Variants in TF observed in about 807,000 individuals in gnomAD.
The protein encoded by TF is transferrin, also known as serotransferrin.
In TF, 55 loss-of-function variants were observed where a neutral mutation model predicts 82.4. That is an observed-to-expected ratio of 0.67 (90% CI 0.54 to 0.84). TF has a LOEUF of 0.84. TF is among the 40% of genes least tolerant of loss of function. The probability of loss-of-function intolerance (pLI) is 0.00; values close to 1 mark genes in which losing one functional copy is unlikely to be tolerated. For missense variants in TF, 737 were observed against 868.4 expected, an observed-to-expected ratio of 0.85 and a Z score of 1.90; for synonymous variants, 332 against 332.6, an observed-to-expected ratio of 1.00 and a Z score of 0.02.
chr3:133,792,099 C>T lies in TF; in HGVS notation c.*13479C>T, dbSNP rs1370133108. Reference sequence around the variant, plus strand: ...TTAAGGTCATAAACCGCTTCTTTGACTTTTAAAAATTGCTCAATTTATTTT... The same window carrying T: ...TTAAGGTCATAAACCGCTTCTTTGATTTTTAAAAATTGCTCAATTTATTTT... On this transcript the variant is annotated 3_prime_UTR_variant, in exon 17 of 17. Transcript: ENST00000402696. The T allele has an allele frequency of 6.6e-6, 1 of 152,140 alleles. No homozygotes were observed. Among genetic ancestry groups the T allele is most frequent in the Admixed American group, 6.5e-5 (1 of 15,280 alleles). The allele number at this position is 152,140 out of a possible 1,614,324, so 9.4% of individuals were successfully genotyped here. A position where few individuals can be genotyped will look rare whatever the true frequency, so the allele number is the denominator to read the frequency against.
At chr3:133,663,058 C>T in the TF span, among the ~76,000 whole-genome samples, 1 of 152,246 alleles carries the variant, frequency 6.6e-6, no homozygotes, top group South Asian at 2.1e-4. Context: ...GAACCCTCTA[C>T]CCTCAATATC....
the TF span, among the ~76,000 whole-genome samples, chr3:133,716,501 T>A: frequency 3.1e-4 from 47 of 152,262 alleles, no homozygotes; most frequent in African/African-American, 1.1e-3. Flanking sequence ...CATCACCAAA[T>A]TATATTGGTT....
In TF at chr3:133,764,899, C is replaced by G. The variant is rs559219054; in HGVS notation, c.1322C>G (p.Pro441Arg). Residue 441 changes from proline (P) to arginine (R), a missense_variant, in exon 11 of 17, where the codon CCA becomes CGA. Transcript: ENST00000402696. ...GAGAGCGATAATTGTGAGGATACAC[C>G]AGAGGCAGGTGAGTTTGAATTGGTA... ...YNKSDNCEDT[P>R]EAGYFAIAVV... 6.2e-7 allele frequency: 1 copy of G among 1,613,894 alleles called. No individual in the cohort carries two copies. Among genetic ancestry groups the G allele is most frequent in the African/African-American group, 1.3e-5 (1 of 74,996 alleles).
chr3:133,726,370 C>T, the TF span, among the ~76,000 whole-genome samples: 1 of 152,126 alleles, frequency 6.6e-6, no homozygotes, highest in African/African-American at 2.4e-5. Flanking sequence ...TCAACTTCTT[C>T]CTGGTTTAGT....
chr3:133,777,261 G>A, intron 16 of TF, 23 bp downstream of exon 16: 2 of 1,607,316 alleles, frequency 1.2e-6, no homozygotes, highest in Non-Finnish European at 1.7e-6. Flanking sequence ...AACAGCATGG[G>A]GAAGTGGCAA....
chr3:133,764,762 T>A, intron 10 of TF, 113 bp from the exon 11 acceptor site: 1 of 1,009,128 alleles, frequency 9.9e-7, no homozygotes, highest in South Asian at 1.4e-5. Context: ...ATGACATGTA[T>A]AGATAATTTT....
intron 15 of TF, 104 bp downstream of exon 15, chr3:133,775,721 T>C (rs2107934453): frequency 1.7e-6 from 2 of 1,210,294 alleles, no homozygotes; most frequent in East Asian, 2.3e-5. Context: ...ACTTTCTTTT[T>C]GAAAACTAGA....
chr3:133,764,186 G>T lies in TF; in HGVS notation c.1208G>T (p.Gly403Val). 1 of 1,613,798 alleles carries T rather than the reference G, an allele frequency of 6.2e-7. No homozygotes were observed. Among genetic ancestry groups the T allele is most frequent in the Non-Finnish European group, 8.5e-7 (1 of 1,179,748 alleles). ...TEDCIAKIMN[G>V]EADAMSLDGG... ...TGATTTGCTGTGTCTTTGCAGAATG[G>T]AGAAGCTGATGCCATGAGCTTGGAT... The change falls in exon 10 of 17, where the codon GGA (glycine) becomes GTA (valine). Residue 403 changes from glycine to valine, a missense_variant. Gly to Val is a moderately radical substitution (Grantham distance 109). Transcript: ENST00000402696.
the TF span, among the ~76,000 whole-genome samples, chr3:133,683,793 C>A: frequency 6.6e-6 from 1 of 152,118 alleles, no homozygotes; most frequent in Non-Finnish European, 1.5e-5. Flanking sequence ...GACAGATCAA[C>A]GAGACAGAAA....
In TF at chr3:133,779,316, G is replaced by C. The variant is rs1315656460; in HGVS notation, c.*696G>C. ...CTGTAAGGTGGAGGCTGACTTTTCT[G>C]TCTCACTTATTATTGGCTGAACATA... On this transcript the variant is annotated 3_prime_UTR_variant, in exon 17 of 17. Transcript: ENST00000402696. 1 of 152,332 alleles carries C rather than the reference G, an allele frequency of 6.6e-6. No individual in the cohort carries two copies. The highest frequency in any genetic ancestry group is 1.5e-5 in the Non-Finnish European group (1 of 68,192). 9.4% of individuals were successfully genotyped at this position (152,332 alleles called of 1,614,324 possible).
intron 10 of TF, 24 bp downstream of exon 10, chr3:133,764,299 T>C: frequency 1.3e-6 from 2 of 1,576,768 alleles, no homozygotes; most frequent in Non-Finnish European, 1.7e-6. Context: ...AGCACCTCTC[T>C]GTGTTTTCTT....
chr3:133,666,831 T>C, the TF span, among the ~76,000 whole-genome samples: 1 of 151,282 alleles, frequency 6.6e-6, no homozygotes, highest in East Asian at 2.0e-4. Context: ...GGTCAGAAGA[T>C]CGAGACCATC....
chr3:133,706,698 C>T, the TF span, among the ~76,000 whole-genome samples: 1 of 152,160 alleles, frequency 6.6e-6, no homozygotes, highest in Non-Finnish European at 1.5e-5. Flanking sequence ...GGCAGGAGGG[C>T]TGGGGAAGTT....
At chr3:133,683,879 C>T in the TF span, among the ~76,000 whole-genome samples, 1 of 152,190 alleles carries the variant, frequency 6.6e-6, no homozygotes, top group Non-Finnish European at 1.5e-5. Context: ...AACTCTCCAC[C>T]CCAAATCAAC....
At chr3:133,757,659 C>G in intron 7 of TF, 110 bp from the exon 8 acceptor site, 1 of 1,106,588 alleles carries the variant, frequency 9.0e-7, no homozygotes, top group Non-Finnish European at 1.4e-6. Flanking sequence ...CTCCTGGCAT[C>G]TTGAACTTTT....
intron 15 of TF, among the ~76,000 whole-genome samples, chr3:133,776,535 C>T (rs1934396526): frequency 6.6e-6 from 1 of 152,190 alleles, no homozygotes; most frequent in South Asian, 2.1e-4. Flanking sequence ...GAAAGTTCAA[C>T]ATTTTGCAGT....
chr3:133,746,239 C>T (rs902368669), upstream of TF: 1 of 649,232 alleles, frequency 1.5e-6, no homozygotes, highest in South Asian at 1.8e-5. Context: ...CTCCAGAGCT[C>T]AGAAAATGAG....
At chr3:133,727,762 A>T in the TF span, among the ~76,000 whole-genome samples, 1 of 126,718 alleles carries the variant, frequency 7.9e-6, no homozygotes, top group Non-Finnish European at 1.7e-5. Flanking sequence ...GATGGTCTTT[A>T]CATTTTGGCA....
upstream of TF, among the ~76,000 whole-genome samples, chr3:133,741,483 T>A (rs571031551): frequency 2.0e-5 from 3 of 152,186 alleles, no homozygotes; most frequent in African/African-American, 4.8e-5. Flanking sequence ...TAGTAAACAT[T>A]CTGGTCTTAT....
Sources: gnomAD v4.1 joint callset for allele counts (sites outside exome capture counted in the v4.1 genomes callset) on GRCh38, gnomAD v4.1.1 for gene constraint, MANE v1.5 for transcripts, NCBI Gene and HGNC (gene_info 2026-07-23, HGNC 2026-07-21) for gene names.